The following HCN2 variants were observed in gnomAD, a reference collection of about 807,000 sequenced individuals.
HCN2 encodes the protein hyperpolarization activated cyclic nucleotide gated potassium and sodium channel 2.
In HCN2, 20 loss-of-function variants were observed where a neutral mutation model predicts 52.3. The observed-to-expected ratio is 0.38, with a 90% confidence interval of 0.27 to 0.56. The LOEUF is 0.56. Among genes scored for constraint, HCN2 ranks in the 20% least tolerant of loss-of-function variants. The probability of loss-of-function intolerance (pLI) is 0.71; values close to 1 mark genes in which losing one functional copy is unlikely to be tolerated. For synonymous variants in HCN2, 694 were observed against 537.0 expected, an observed-to-expected ratio of 1.29 and a Z score of -4.04; for missense variants, 981 against 1,207.7, an observed-to-expected ratio of 0.81 and a Z score of 2.78.
chr19:607,407 G>A (rs1482452509), intron 3 of HCN2, among the ~76,000 whole-genome samples: 1 of 152,230 alleles, frequency 6.6e-6, no homozygotes, highest in Non-Finnish European at 1.5e-5. Flanking sequence ...GGGGTCAGGA[G>A]CTACAGAGGG....
intron 5 of HCN2, among the ~76,000 whole-genome samples, chr19:610,959 G>A (rs377677881): frequency 2.2e-4 from 34 of 152,282 alleles, no homozygotes; most frequent in Middle Eastern, 3.4e-3. Flanking sequence ...CTCTTCCGGC[G>A]TCTGGGGCTC....
Position 603,796 on chromosome 19 carries a change from C to T in HCN2, c.885C>T (p.Phe295=), listed in dbSNP as rs1381208596. 12 of 1,612,800 alleles carry T rather than the reference C, an allele frequency of 7.4e-6. No individual in the cohort carries two copies. The highest frequency in any genetic ancestry group is 1.3e-5 in the African/African-American group (1 of 74,992). The change falls in exon 2 of 8, where the codon TTC becomes TTT. Residue 295 remains phenylalanine (F), a synonymous_variant. Coordinates refer to ENST00000251287, the MANE Select transcript of HCN2 (RefSeq NM_001194.4). The part of the protein sequence containing the change: ...KYLRTWFVVD[F]VSSIPVDYIF... ...TGCGCACGTGGTTCGTGGTGGACTT[C>T]GTGTCCTCCATCCCCGTGGACTACA...
rs772901010 is a variant in HCN2 at position 613,463 on chromosome 19, G to A, written c.1800G>A (p.Lys600=). 7.5e-6 allele frequency: 12 copies of A among 1,602,704 alleles called. No individual in the cohort carries two copies. The South Asian group carries it at 1.2e-4, about 16-fold the overall frequency. Residue 600 remains lysine (K), a synonymous_variant, in exon 6 of 8, where the codon AAG becomes AAA. Transcript: ENST00000251287. ...SVLTKGNKEM[K]LSDGSYFGEI... ...TCACTAAGGGCAACAAGGAGATGAA[G>A]CTGTCCGATGGCTCCTACTTCGGGG...
rs368472367 is a variant in HCN2 at position 613,242 on chromosome 19, C to T, written c.1585-6C>T. ...CAGCGGACCCAGCCCTGCCTCCCCC[C>T]TGCAGGAGATCGTCAACTTCAACTG... On this transcript the variant is annotated splice_polypyrimidine_tract_variant and splice_region_variant and intron_variant, in intron 5 of 7. Transcript: ENST00000251287. 13 of 1,609,408 alleles carry T rather than the reference C, an allele frequency of 8.1e-6. No homozygotes were observed. Among genetic ancestry groups the T allele is most frequent in the Non-Finnish European group, 1.1e-5 (13 of 1,178,470 alleles).
chr19:613,703 C>CCGGGGCCGGGGCCGGGGG, intron 6 of HCN2, 149 bp from the exon 7 acceptor site: 1 of 630,114 alleles, frequency 1.6e-6, no homozygotes. Flanking sequence ...GGGGATGGGG[C>CCGGGGCCGGGGCCGGGGG]CGGGGATGGG....
At position 616,630 on chromosome 19, in the gene HCN2, G is replaced by GGCAGCCCCCTCCGC. The variant is rs1299466773; in HGVS notation, c.*159_*172dup. 2.9e-6 allele frequency: 1 copy of GGCAGCCCCCTCCGC among 340,214 alleles called. No individual in the cohort carries two copies. 21.1% of individuals were successfully genotyped at this position (340,214 alleles called of 1,614,324 possible). A position where few individuals can be genotyped will look rare whatever the true frequency, so the allele number is the denominator to read the frequency against. ...TTGGACGGACGGGCAGGGCCGGCGG[G>GGCAGCCCCCTCCGC]GCAGCCCCCTCCGCGCCCCCGGCCG... On this transcript the variant is annotated 3_prime_UTR_variant, in exon 8 of 8. Transcript: ENST00000251287.
chr19:591,393 G>A lies in HCN2; in HGVS notation c.632+816G>A, dbSNP rs1385381602. 6.6e-6 allele frequency: 1 copy of A among 152,290 alleles called. No homozygotes were observed. 9.4% of individuals were successfully genotyped at this position (152,290 alleles called of 1,614,324 possible). On this transcript the variant is annotated intron_variant, in intron 1 of 7. Transcript: ENST00000251287. The surrounding 1 kb of genome is among the most constrained non-coding windows in gnomAD (Gnocchi z 4.1). Reference sequence around the variant, plus strand: ...AGGAGTGTGTTTGCGTGGTGGTCGCGGGCGTGTGCGCCTCCGGTGGGTTTA... The same window carrying A: ...AGGAGTGTGTTTGCGTGGTGGTCGCAGGCGTGTGCGCCTCCGGTGGGTTTA...
At chr19:610,475 G>C in intron 5 of HCN2, 70 bp downstream of exon 5, 1 of 1,447,702 alleles carries the variant, frequency 6.9e-7, no homozygotes, top group South Asian at 1.2e-5. Context: ...CTGGAGCCCA[G>C]GAGCCGGTCC....
intron 2 of HCN2, 74 bp from the exon 3 acceptor site, chr19:604,987 C>CTCACG: frequency 7.0e-7 from 1 of 1,418,728 alleles, no homozygotes; most frequent in Non-Finnish European, 9.3e-7. Context: ...GCAGTGGGGG[C>CTCACG]GCACGGGGCT....
In HCN2 at chr19:608,023, G is replaced by C; in HGVS notation, c.1278G>C (p.Leu426=). 1 of 1,613,134 alleles carries C rather than the reference G, an allele frequency of 6.2e-7. No homozygotes were observed. The highest frequency in any genetic ancestry group is 8.5e-7 in the Non-Finnish European group (1 of 1,180,016). ...FALFKAMSHM[L]CIGYGRQAPE... ...TCTTCAAGGCCATGAGCCACATGCT[G>C]TGCATCGGGTACGGCCGGCAGGCGC... The change falls in exon 4 of 8, where the codon CTG becomes CTC. Residue 426 remains leucine, a synonymous_variant. Coordinates refer to ENST00000251287, the MANE Select transcript of HCN2 (RefSeq NM_001194.4).
chr19:594,272 C>G (rs4919814), intron 1 of HCN2, among the ~76,000 whole-genome samples: 295 of 151,982 alleles, frequency 1.9e-3, no homozygotes, highest in African/African-American at 6.9e-3. Context: ...TGGGCAGATC[C>G]GGGGTTTGTG....
intron 5 of HCN2, among the ~76,000 whole-genome samples, chr19:612,563 G>A (rs565528997): frequency 2.0e-4 from 31 of 152,022 alleles, no homozygotes; most frequent in Non-Finnish European, 3.4e-4. Flanking sequence ...ACAGGCACCC[G>A]CCACCACACC....
At chr19:606,850 C>CA (rs34623818) in intron 3 of HCN2, among the ~76,000 whole-genome samples, 4 of 148,016 alleles carry the variant, frequency 2.7e-5, no homozygotes, top group South Asian at 2.1e-4. Context: ...GACTTTGTCT[C>CA]AAAAAAAATA....
In HCN2 at chr19:608,143, C is replaced by T. The variant is rs1983485593; in HGVS notation, c.1398C>T (p.Ile466=). Residue 466 remains isoleucine (I), a synonymous_variant, in exon 4 of 8, where the codon ATC becomes ATT. Coordinates refer to ENST00000251287, the MANE Select transcript of HCN2 (RefSeq NM_001194.4). The part of the protein sequence containing the change: ...AMFIGHATAL[I]QSLDSSRRQY... ...TCATCGGCCACGCCACTGCCCTCAT[C>T]CAGTCGCTGGACTCCTCGCGGCGCC... 1 of 1,613,082 alleles carries T rather than the reference C, an allele frequency of 6.2e-7. No individual in the cohort carries two copies. Among genetic ancestry groups the T allele is most frequent in the Non-Finnish European group, 8.5e-7 (1 of 1,180,012 alleles).
chr19:590,252 G>A lies in HCN2; in HGVS notation c.307G>A (p.Gly103Arg). The A allele has an allele frequency of 1.4e-5, 14 of 989,100 alleles. No homozygotes were observed. Among genetic ancestry groups the A allele is most frequent in the Non-Finnish European group, 1.4e-5 (12 of 834,024 alleles). 61.3% of individuals were successfully genotyped at this position (989,100 alleles called of 1,614,324 possible). A position where few individuals can be genotyped will look rare whatever the true frequency, so the allele number is the denominator to read the frequency against. The change falls in exon 1 of 8, where the codon GGG becomes AGG. Residue 103 changes from glycine to arginine, a missense_variant. Physicochemically the swap from Gly to Arg is moderately radical, Grantham distance 125 (BLOSUM62 -2). This residue lies in a region of HCN2 where 215 missense variants were observed against 179.4 expected (regional missense o/e 1.20). Transcript: ENST00000251287. This position sits in a 1 kb window ranked among gnomAD's most constrained non-coding sequence, Gnocchi z 7.2. ...CAAGGGCAGCCCGAACGGCGAGTGC[G>A]GGCGCGGCGAGCCGCAGTGCAGCCC... ...TAKGSPNGEC[G>R]RGEPQCSPAG...
intron 5 of HCN2, among the ~76,000 whole-genome samples, chr19:612,842 CTGTT>C (rs1483498498): frequency 5.9e-5 from 7 of 118,848 alleles, no homozygotes; most frequent in Non-Finnish European, 1.0e-4. Context: ...CCACGCCTGG[CTGTT>C]TTTTTTTTTT....
chr19:604,843 A>G (rs1303430664), intron 2 of HCN2, among the ~76,000 whole-genome samples: 1 of 33,550 alleles, frequency 3.0e-5, no homozygotes, highest in Non-Finnish European at 4.9e-5. Flanking sequence ...CCTGCAGTGA[A>G]GGCTGTAGAG....
intron 6 of HCN2, 139 bp downstream of exon 6, chr19:613,627 GGGGATGGGGCCGGGGATGGGGATGGGGAT>G: frequency 4.8e-6 from 1 of 209,954 alleles, no homozygotes; most frequent in East Asian, 8.3e-5. Flanking sequence ...GGATGGGGAT[GGGGATGGGGCCGGGGATGGGGATGGGGAT>G]GGGGCCGGGG....
chr19:611,361 A>G (rs1983629117), intron 5 of HCN2, among the ~76,000 whole-genome samples: 1 of 152,186 alleles, frequency 6.6e-6, no homozygotes, highest in Non-Finnish European at 1.5e-5. Context: ...GGGAGGGACG[A>G]GGACGGGGAG....
Sources: allele counts gnomAD v4.1 joint callset (sites outside exome capture counted in the v4.1 genomes callset), GRCh38; gene constraint gnomAD v4.1.1; regional missense constraint gnomAD v4.1.1; non-coding constraint Gnocchi (gnomAD v3.1); transcripts MANE v1.5; gene names NCBI Gene and HGNC (gene_info 2026-07-23, HGNC 2026-07-21).